The following CYB5A variants were observed in gnomAD, a reference collection of about 807,000 sequenced individuals.
CYB5A encodes cytochrome b5 type A, also known as cytochrome b5.
A neutral mutation model predicts 16.2 loss-of-function variants in CYB5A; 10 were observed. That is an observed-to-expected ratio of 0.62 (90% CI 0.38 to 1.04). The LOEUF is 1.04. CYB5A is among the 50% of genes least tolerant of loss of function. The pLI, the probability that CYB5A is intolerant of heterozygous loss-of-function variation, is 0.01. For synonymous variants in CYB5A, 62 were observed against 57.0 expected (o/e 1.09, Z -0.40); for missense variants, 161 against 165.9 (o/e 0.97, Z 0.16).
At chr18:74,272,215 T>C (rs1484040102) in intron 1 of CYB5A, among the ~76,000 whole-genome samples, 2 of 152,306 alleles carry the variant, frequency 1.3e-5, no homozygotes, top group East Asian at 3.9e-4. Context: ...TAAGCAACTT[T>C]TTTGTTCTTC....
chr18:74,282,106 T>C (rs1422839485), intron 1 of CYB5A, among the ~76,000 whole-genome samples: 1 of 152,120 alleles, frequency 6.6e-6, no homozygotes. Flanking sequence ...TCGATGCCAT[T>C]CTTGTGTTCC....
In CYB5A at chr18:74,255,745, A is replaced by C. The variant is rs1981951263; in HGVS notation, c.319T>G (p.Ser107Ala). 3.1e-6 allele frequency: 5 copies of C among 1,612,644 alleles called. No homozygotes were observed. The East Asian group carries it at 8.9e-5, about 29-fold the overall frequency. Reference protein sequence around the residue: ...ETLITTIDSSSSWWTNWVIPA... With the variant: ...ETLITTIDSSASWWTNWVIPA... ...TAAAAGAAAGCTACCACATACCTGG[A>C]ACTAGAATCAATAGTAGTGATAAGA... Residue 107 changes from serine to alanine, a missense_variant, in exon 4 of 5, where the codon TCC becomes GCC. Physicochemically the swap from Ser to Ala is moderately conservative, Grantham distance 99. Transcript: ENST00000340533.
intron 4 of CYB5A, among the ~76,000 whole-genome samples, chr18:74,253,932 A>G (rs1221731681): frequency 6.6e-6 from 1 of 152,226 alleles, no homozygotes; most frequent in Non-Finnish European, 1.5e-5. Flanking sequence ...TAATCCCAGC[A>G]CTTTGGGAGG....
At chr18:74,269,366 A>G (rs886783350) in intron 1 of CYB5A, among the ~76,000 whole-genome samples, 3 of 152,160 alleles carry the variant, frequency 2.0e-5, no homozygotes, top group Non-Finnish European at 4.4e-5. Flanking sequence ...GTCTAAACAC[A>G]GGAGCACCCT....
chr18:74,268,981 T>G (rs189267503), intron 1 of CYB5A, among the ~76,000 whole-genome samples: 1 of 152,190 alleles, frequency 6.6e-6, no homozygotes, highest in East Asian at 1.9e-4. Context: ...GGAATACCAA[T>G]ACAATAACTG....
chr18:74,286,374 G>C (rs1407642588), intron 1 of CYB5A, among the ~76,000 whole-genome samples: 1 of 152,176 alleles, frequency 6.6e-6, no homozygotes, highest in Non-Finnish European at 1.5e-5. Flanking sequence ...TTTGTATTTT[G>C]AGTCATTTTG....
At chr18:74,279,968 A>G (rs1364254422) in intron 1 of CYB5A, among the ~76,000 whole-genome samples, 1 of 152,250 alleles carries the variant, frequency 6.6e-6, no homozygotes, top group Non-Finnish European at 1.5e-5. Context: ...GGAAGGACAC[A>G]GAGAAGCAAA....
At chr18:74,275,939 A>G (rs1366813046) in intron 1 of CYB5A, among the ~76,000 whole-genome samples, 1 of 151,962 alleles carries the variant, frequency 6.6e-6, no homozygotes, top group Non-Finnish European at 1.5e-5. Context: ...CAGACCAGAT[A>G]CCCCAACACC....
intron 3 of CYB5A, chr18:74,256,770 C>T (rs878923172): frequency 1.6e-5 from 24 of 1,520,812 alleles, no homozygotes; most frequent in Middle Eastern, 1.7e-4. Flanking sequence ...GAGAAACTCC[C>T]GTGAAAAGAC....
At chr18:74,263,313 A>C (rs779150087) in intron 2 of CYB5A, 36 bp downstream of exon 2, 1 of 1,613,772 alleles carries the variant, frequency 6.2e-7, no homozygotes, top group Non-Finnish European at 8.5e-7. Flanking sequence ...GATAGCCTTA[A>C]ATACAAATAA....
chr18:74,261,949 G>A (rs1982218441), intron 2 of CYB5A, among the ~76,000 whole-genome samples: 1 of 152,174 alleles, frequency 6.6e-6, no homozygotes, highest in African/African-American at 2.4e-5. Context: ...GGGAAGGCAG[G>A]ACGGAGCCAG....
chr18:74,275,708 A>G (rs1982844998), intron 1 of CYB5A, among the ~76,000 whole-genome samples: 1 of 152,178 alleles, frequency 6.6e-6, no homozygotes, highest in African/African-American at 2.4e-5. Context: ...AGCAAGCAAC[A>G]AGAGGAACAT....
chr18:74,256,840 C>T lies in CYB5A; in HGVS notation c.289-1065G>A, dbSNP rs200375466. The T allele has an allele frequency of 2.2e-4, 354 of 1,613,922 alleles. 3 individuals carry two copies. In the South Asian group the frequency reaches 3.5e-3, roughly 16 times the overall value. On this transcript the variant is annotated intron_variant, in intron 3 of 4. Coordinates refer to ENST00000340533, the MANE Select transcript of CYB5A (RefSeq NM_148923.4). ...ATGAGACCCACCAACCTTGAAACAC[C>T]GCCTTTAAGGTTCCTGACACAGTAG...
intron 1 of CYB5A, among the ~76,000 whole-genome samples, chr18:74,290,597 A>G (rs899076788): frequency 6.6e-6 from 1 of 152,188 alleles, no homozygotes; most frequent in Non-Finnish European, 1.5e-5. Context: ...CTGCAAAAAC[A>G]AAGTCCTCTG....
intron 2 of CYB5A, among the ~76,000 whole-genome samples, 180 bp downstream of exon 2, chr18:74,263,169 C>G (rs1233197103): frequency 7.0e-6 from 1 of 143,010 alleles, no homozygotes; most frequent in Admixed American, 7.0e-5. Context: ...AAAAAAGCAA[C>G]AGTGAAATGC....
In CYB5A at chr18:74,252,165, A is replaced by G. The variant is rs373404876; in HGVS notation, c.*1419T>C. On this transcript the variant is annotated 3_prime_UTR_variant, in exon 5 of 5. Transcript: ENST00000340533. ...TTTGATTATAAAGGTTGTACTCTGT[A>G]AGAACAACACAATTCCTTTCCACTG... is the stretch of plus-strand genomic sequence containing the variant. The G allele has an allele frequency of 5.3e-5, 8 of 152,372 alleles. No individual in the cohort carries two copies. Among genetic ancestry groups the G allele is most frequent in the South Asian group, 2.1e-4 (1 of 4,828 alleles). The allele number at this position is 152,372 out of a possible 1,614,324, so 9.4% of individuals were successfully genotyped here. A position where few individuals can be genotyped will look rare whatever the true frequency, so the allele number is the denominator to read the frequency against.
chr18:74,283,199 G>T (rs1395444432), intron 1 of CYB5A, among the ~76,000 whole-genome samples: 1 of 152,160 alleles, frequency 6.6e-6, no homozygotes, highest in Non-Finnish European at 1.5e-5. Flanking sequence ...GGGAGGGCGA[G>T]AGATGAGCGG....
chr18:74,253,564 G>T lies in CYB5A; in HGVS notation c.*20C>A. 1 of 1,568,472 alleles carries T rather than the reference G, an allele frequency of 6.4e-7. No individual in the cohort carries two copies. Among genetic ancestry groups the T allele is most frequent in the Non-Finnish European group, 8.8e-7 (1 of 1,139,528 alleles). ...CGTGTCCAAAGCAGGCTCTTCCTGC[G>T]CTGACTTCTGAGGAGGTGTTCAGTC... On this transcript the variant is annotated 3_prime_UTR_variant, in exon 5 of 5. Transcript: ENST00000340533.
intron 1 of CYB5A, among the ~76,000 whole-genome samples, chr18:74,279,485 G>A (rs918709542): frequency 1.9e-4 from 29 of 152,302 alleles, no homozygotes; most frequent in African/African-American, 6.5e-4. Context: ...AGTTGAGATC[G>A]TGCCACTGCA....
Sources: gnomAD v4.1 joint callset for allele counts (sites outside exome capture counted in the v4.1 genomes callset) on GRCh38, gnomAD v4.1.1 for gene constraint, MANE v1.5 for transcripts, NCBI Gene and HGNC (gene_info 2026-07-23, HGNC 2026-07-21) for gene names.